A2M: variants seen among roughly 807,000 people sequenced by gnomAD.
The protein encoded by A2M is C3 and PZP-like alpha-2-macroglobulin domain-containing protein 5.
In A2M, 128 loss-of-function variants were observed where a neutral mutation model predicts 183.9. The observed-to-expected ratio is 0.70, with a 90% CI of 0.60 to 0.81. The LOEUF is 0.81. A2M is among the 30% of genes least tolerant of loss of function. A2M has a pLI of 0.00. For synonymous variants in A2M, 592 were observed against 670.8 expected (o/e 0.88, Z 1.81); for missense variants, 1,495 against 1,787.6 (o/e 0.84, Z 2.95).
upstream of A2M, chr12:9,115,984 C>A (rs906239347): frequency 1.1e-5 from 8 of 743,774 alleles, no homozygotes; most frequent in East Asian, 2.2e-4. Flanking sequence ...TCCACCCACA[C>A]AAGATCTCTA....
intron 24 of A2M, 45 bp downstream of exon 24, chr12:9,079,594 G>A (rs1457700218): frequency 6.4e-7 from 1 of 1,564,908 alleles, no homozygotes; most frequent in Non-Finnish European, 8.8e-7. Flanking sequence ...GGGAAATCCA[G>A]TTGAAATAAC....
intron 25 of A2M, among the ~76,000 whole-genome samples, chr12:9,079,038 C>T (rs1948827625): frequency 6.6e-6 from 1 of 151,734 alleles, no homozygotes; most frequent in Admixed American, 6.6e-5. Flanking sequence ...TAATAGGATC[C>T]ATTTTGGAAA....
intron 24 of A2M, 68 bp from the exon 25 acceptor site, chr12:9,079,399 A>G: frequency 1.4e-6 from 2 of 1,467,950 alleles, no homozygotes; most frequent in Non-Finnish European, 1.9e-6. Flanking sequence ...GAAATTACTA[A>G]AAGTACCTTG....
At chr12:9,114,183 C>T (rs1400345834) in intron 1 of A2M, among the ~76,000 whole-genome samples, 1 of 152,150 alleles carries the variant, frequency 6.6e-6, no homozygotes, top group Admixed American at 6.5e-5. Context: ...TAGACAATGG[C>T]TCCATCCAAA....
At chr12:9,081,555 A>C (rs1948906942) in intron 22 of A2M, among the ~76,000 whole-genome samples, 1 of 152,226 alleles carries the variant, frequency 6.6e-6, no homozygotes. Context: ...ACTTGGAAAC[A>C]AGTCTAGGAC....
Position 9,089,232 on chromosome 12 carries a change from T to C in A2M, c.2738A>G (p.Glu913Gly). The change falls in exon 22 of 36, where the codon GAA (glutamate) becomes GGA (glycine). Residue 913 changes from glutamate (E) to glycine (G), a missense_variant. Transcript: ENST00000318602. ...LLVEPEGLEK[E>G]TTFNSLLCPS... ...ACAAAGTAGGGAGTTGAATGTTGTT[T>C]CCTTCTCTAGTCCTTCAGGCTTTAG... 1.3e-6 allele frequency: 2 copies of C among 1,589,616 alleles called. No individual in the cohort carries two copies. The highest frequency in any genetic ancestry group is 1.7e-6 in the Non-Finnish European group (2 of 1,166,130).
intron 5 of A2M, 102 bp from the exon 6 acceptor site, chr12:9,110,137 G>A: frequency 3.1e-6 from 4 of 1,293,212 alleles, no homozygotes; most frequent in Non-Finnish European, 3.2e-6. Flanking sequence ...AAGGTCAAAT[G>A]GGGTAGTAGT....
Position 9,112,425 on chromosome 12 carries a change from G to T in A2M, c.382C>A (p.Leu128Met). The T allele has an allele frequency of 6.2e-7, 1 of 1,613,948 alleles. No homozygotes were observed. The highest frequency in any genetic ancestry group is 1.1e-5 in the South Asian group (1 of 91,064). ...GATTTGTCTGTCTGGACAAAGACCAGACTGTCCTCGTTCTTAACCATCACT... is the reference window on the plus strand; with the variant it reads ...GATTTGTCTGTCTGGACAAAGACCATACTGTCCTCGTTCTTAACCATCACT... ...TTVMVKNEDS[L>M]VFVQTDKSIY... is the part of the protein sequence containing the mutation. Residue 128 changes from leucine (L) to methionine (M), a missense_variant, in exon 3 of 36, where the codon CTG becomes ATG. By Grantham distance (15) the Leu-to-Met change is conservative. Transcript: ENST00000318602.
chr12:9,091,545 C>T, intron 18 of A2M, 116 bp from the exon 19 acceptor site: 4 of 1,032,984 alleles, frequency 3.9e-6, no homozygotes, highest in South Asian at 1.6e-5. Context: ...AATAGAAATA[C>T]CAATAATGGA....
chr12:9,080,712 A>T (rs1334853760), intron 22 of A2M, among the ~76,000 whole-genome samples: 1 of 152,238 alleles, frequency 6.6e-6, no homozygotes, highest in Non-Finnish European at 1.5e-5. Context: ...GTGAAGACGA[A>T]CAGTATTTGA....
intron 11 of A2M, among the ~76,000 whole-genome samples, chr12:9,103,517 C>CT (rs1938051306): frequency 6.6e-6 from 1 of 152,136 alleles, no homozygotes; most frequent in Non-Finnish European, 1.5e-5. Flanking sequence ...ATCTCCAGAA[C>CT]TTTTCATCTT....
chr12:9,111,090 A>G lies in A2M; in HGVS notation c.484-756T>C, dbSNP rs761077304. Reference sequence around the variant, plus strand: ...TGAGGAGGAATGGACATATTTCATTAATAAATTTAGTTTAATAAATATTAC... The same window carrying G: ...TGAGGAGGAATGGACATATTTCATTGATAAATTTAGTTTAATAAATATTAC... On this transcript the variant is annotated intron_variant, in intron 4 of 35. Transcript: ENST00000318602. Among the ~76,000 whole-genome samples the G allele has an allele frequency of 1.0e-3, 156 of 152,318 alleles. 1 individual carries two copies. Among genetic ancestry groups the G allele is most frequent in the African/African-American group, 3.6e-3 (151 of 41,588 alleles).
chr12:9,103,277 A>G (rs1244406912), intron 11 of A2M, among the ~76,000 whole-genome samples: 1 of 152,246 alleles, frequency 6.6e-6, no homozygotes, highest in Non-Finnish European at 1.5e-5. Context: ...GTCAGGTGTT[A>G]GTATTGCAAT....
chr12:9,108,034 C>T (rs1000299252), intron 7 of A2M, among the ~76,000 whole-genome samples: 5 of 152,114 alleles, frequency 3.3e-5, no homozygotes, highest in Admixed American at 2.0e-4. Flanking sequence ...ACTATTAGTA[C>T]GATAGTGTCT....
chr12:9,106,453 C>T, intron 9 of A2M, 38 bp downstream of exon 9: 4 of 1,453,610 alleles, frequency 2.8e-6, no homozygotes, highest in East Asian at 2.3e-5. Flanking sequence ...AAATCAATGC[C>T]TGTTGTGTTT....
intron 18 of A2M, among the ~76,000 whole-genome samples, chr12:9,092,087 T>C (rs1949229959): frequency 6.6e-6 from 1 of 152,208 alleles, no homozygotes; most frequent in Admixed American, 6.5e-5. Flanking sequence ...GACTGAGTGT[T>C]GGGCTTCTAA....
intron 2 of A2M, among the ~76,000 whole-genome samples, chr12:9,113,105 C>CTTTT (rs11463805): frequency 7.0e-6 from 1 of 143,852 alleles, no homozygotes; most frequent in Non-Finnish European, 1.5e-5. Flanking sequence ...GTCACATTTT[C>CTTTT]TTTTTTTTTT....
chr12:9,076,933 G>C lies in A2M; in HGVS notation c.3355C>G (p.Pro1119Ala), dbSNP rs1242233082. ...CAAAACAGGGCATTGCGGACAACAGGGTGCTGTGAAGGCAGAACAAGAAGG... is the reference window on the plus strand; with the variant it reads ...CAAAACAGGGCATTGCGGACAACAGCGTGCTGTGAAGGCAGAACAAGAAGG... ...LLEIPLTVTH[P>A]VVRNALFCLE... Residue 1119 changes from proline (P) to alanine (A), a missense_variant, in exon 28 of 36, where the codon CCT becomes GCT. Transcript: ENST00000318602. The C allele has an allele frequency of 6.3e-7, 1 of 1,583,376 alleles. No individual in the cohort carries two copies. The highest frequency in any genetic ancestry group is 1.3e-5 in the African/African-American group (1 of 74,194).
At chr12:9,114,840 G>C (rs907169801) in intron 1 of A2M, among the ~76,000 whole-genome samples, 24 of 151,936 alleles carry the variant, frequency 1.6e-4, no homozygotes, top group African/African-American at 5.8e-4. Flanking sequence ...CCTTCTGACT[G>C]AGCTATGTTC....
Sources: gnomAD v4.1 joint callset for allele counts (sites outside exome capture counted in the v4.1 genomes callset) on GRCh38, gnomAD v4.1.1 for gene constraint, MANE v1.5 for transcripts, NCBI Gene and HGNC (gene_info 2026-07-23, HGNC 2026-07-21) for gene names.